The following GRIN2D variants were observed in gnomAD, a reference collection of about 807,000 sequenced individuals.
GRIN2D encodes glutamate receptor ionotropic, NMDA 2D.
Under a neutral mutation model 103.2 loss-of-function variants are expected in GRIN2D, and 37 were observed. The ratio of observed to expected loss-of-function variants is 0.36; its 90% CI spans 0.28 to 0.47. The LOEUF is 0.47. GRIN2D is among the 20% of genes least tolerant of loss of function. The pLI is 1.00. For synonymous variants in GRIN2D, 845 were observed against 885.6 expected (o/e 0.95, Z 0.81); for missense variants, 1,557 against 1,910.6 (o/e 0.81, Z 3.45).
intron 9 of GRIN2D, 66 bp downstream of exon 9, chr19:48,419,425 T>C (rs922711410): frequency 2.6e-5 from 41 of 1,547,174 alleles, no homozygotes; most frequent in Non-Finnish European, 3.3e-5. Context: ...GAACTACATT[T>C]CCCAGCAGCC....
intron 4 of GRIN2D, among the ~76,000 whole-genome samples, chr19:48,412,965 A>G (rs1970894214): frequency 7.0e-6 from 1 of 142,394 alleles, no homozygotes; most frequent in South Asian, 2.3e-4. Flanking sequence ...GTGAAACCCC[A>G]TCTCTACTAA....
chr19:48,398,934 CG>C, intron 3 of GRIN2D, 77 bp downstream of exon 3: 1 of 83,688 alleles, frequency 1.2e-5, no homozygotes, highest in East Asian at 3.3e-4. Flanking sequence ...GGACAGCCAG[CG>C]GGGGCGGGGC....
chr19:48,442,232 C>A lies in GRIN2D; in HGVS notation c.2523C>A (p.Asp841Glu). The part of the protein sequence containing the change: ...DKIEVMSSKL[D>E]IDNMAGVFYM... ...TCGAGGTGATGAGCAGCAAGCTGGACATCGACAACATGGCGGGCGTCTTCT... is the reference window on the plus strand; with the variant it reads ...TCGAGGTGATGAGCAGCAAGCTGGAAATCGACAACATGGCGGGCGTCTTCT... The change falls in exon 13 of 14, where the codon GAC becomes GAA. Residue 841 changes from aspartate (D) to glutamate (E), a missense_variant. Asp to Glu is a conservative substitution (Grantham distance 45, BLOSUM62 2). Coordinates refer to ENST00000263269, the MANE Select transcript of GRIN2D (RefSeq NM_000836.4). The surrounding 1 kb of genome is among the most constrained non-coding windows in gnomAD (Gnocchi z 7.2). The A allele has an allele frequency of 6.2e-7, 1 of 1,614,182 alleles. No individual in the cohort carries two copies. The highest frequency in any genetic ancestry group is 8.5e-7 in the Non-Finnish European group (1 of 1,180,030).
rs534528981 is a variant in GRIN2D at position 48,421,743 on chromosome 19, T to C, written c.2092-42T>C. 3.4e-5 allele frequency: 54 copies of C among 1,565,280 alleles called. No homozygotes were observed. In the East Asian group the frequency reaches 1.1e-3, roughly 32 times the overall value. On this transcript the variant is annotated intron_variant, in intron 10 of 13. Coordinates refer to ENST00000263269, the MANE Select transcript of GRIN2D (RefSeq NM_000836.4). This position sits in a 1 kb window ranked among gnomAD's most constrained non-coding sequence, Gnocchi z 4.8. The stretch of plus-strand genomic sequence containing the variant: ...GAATGGGTGATTTATGTTAGGGATG[T>C]CCCTGCGGAGGGTGCCCTAATCACT...
At chr19:48,430,548 C>G (rs529738140) in intron 11 of GRIN2D, among the ~76,000 whole-genome samples, 6 of 152,298 alleles carry the variant, frequency 3.9e-5, no homozygotes, top group South Asian at 4.1e-4. Flanking sequence ...CTCCTGAGCT[C>G]AAGGGATCTG....
At position 48,398,783 on chromosome 19, in the gene GRIN2D, G is replaced by A. The variant is rs1171398599; in HGVS notation, c.391G>A (p.Asp131Asn). ...SRAPAVAPIL[D>N]FLSAQTSLPI... is the part of the protein sequence containing the mutation. ...CGCGCCCGCCGTCGCGCCCATCCTC[G>A]ACTTCCTGTCGGCGCAGACCTCGCT... is the stretch of plus-strand genomic sequence containing the variant. Residue 131 changes from aspartate to asparagine, a missense_variant, in exon 3 of 14, where the codon GAC (aspartate) becomes AAC (asparagine). This residue lies in a region of GRIN2D where 490 missense variants were observed against 601.1 expected (regional missense o/e 0.82). Coordinates refer to ENST00000263269, the MANE Select transcript of GRIN2D (RefSeq NM_000836.4). 1.4e-6 allele frequency: 2 copies of A among 1,460,706 alleles called. No homozygotes were observed. The highest frequency in any genetic ancestry group is 1.8e-6 in the Non-Finnish European group (2 of 1,111,768). 90.5% of individuals were successfully genotyped at this position (1,460,706 alleles called of 1,614,324 possible). A position where few individuals can be genotyped will look rare whatever the true frequency, so the allele number is the denominator to read the frequency against.
chr19:48,404,991 G>T lies in GRIN2D; in HGVS notation c.723G>T (p.Ala241=), dbSNP rs77992710. ...VLSAQLRSVS[A]QIRLLFCARE... is the part of the protein sequence containing the mutation. ...GTGCCCAGCTCCGCAGTGTCAGCGC[G>T]CAGATCCGCCTGCTCTTCTGCGCCC... Residue 241 remains alanine, a synonymous_variant, in exon 4 of 14, where the codon GCG becomes GCT. Coordinates refer to ENST00000263269, the MANE Select transcript of GRIN2D (RefSeq NM_000836.4). 9.1e-4 allele frequency: 1,463 copies of T among 1,612,262 alleles called. 1 individual carries two copies. Among genetic ancestry groups the T allele is most frequent in the Non-Finnish European group, 1.1e-3 (1,316 of 1,179,570 alleles).
intron 3 of GRIN2D, among the ~76,000 whole-genome samples, chr19:48,401,081 C>CA (rs34313286): frequency 0.048 from 5,896 of 123,714 alleles, 310 homozygotes; most frequent in African/African-American, 0.13. Context: ...AGACTGTTCT[C>CA]AAAAAAAAAA....
At chr19:48,429,715 ATGTGTG>A (rs35154284) in intron 11 of GRIN2D, among the ~76,000 whole-genome samples, 5 of 146,894 alleles carry the variant, frequency 3.4e-5, no homozygotes, top group Admixed American at 2.7e-4. Context: ...TAATTTTTTA[ATGTGTG>A]TGTGTGTGTG....
At chr19:48,415,156 A>G (rs1284147714) in intron 7 of GRIN2D, 124 bp downstream of exon 7, 1 of 882,270 alleles carries the variant, frequency 1.1e-6, no homozygotes, top group East Asian at 2.7e-5. Flanking sequence ...GAATTGCCTG[A>G]GCTCAGGGGT....
intron 4 of GRIN2D, among the ~76,000 whole-genome samples, chr19:48,408,293 C>T (rs1411176693): frequency 6.7e-6 from 1 of 148,900 alleles, no homozygotes; most frequent in Non-Finnish European, 1.5e-5. Context: ...GAGATCGAGC[C>T]ACTGCACTCC....
chr19:48,433,533 C>A (rs150741082), intron 11 of GRIN2D, among the ~76,000 whole-genome samples: 1 of 152,126 alleles, frequency 6.6e-6, no homozygotes, highest in African/African-American at 2.4e-5. Context: ...GCAGGCCAAA[C>A]GTGGGCTCAC....
At chr19:48,411,016 AAG>A (rs2147447113) in intron 4 of GRIN2D, among the ~76,000 whole-genome samples, 1 of 152,188 alleles carries the variant, frequency 6.6e-6, no homozygotes, top group African/African-American at 2.4e-5. Flanking sequence ...TAACCAGAGG[AAG>A]AGACATTTGA....
At chr19:48,397,518 T>A (rs1286182698) in intron 2 of GRIN2D, among the ~76,000 whole-genome samples, 2 of 151,862 alleles carry the variant, frequency 1.3e-5, no homozygotes, top group African/African-American at 4.8e-5. Context: ...CCCCATCCTT[T>A]ATGTGCGCGT....
Position 48,405,084 on chromosome 19 carries a change from G to C in GRIN2D, c.816G>C (p.Trp272Cys). 6.3e-7 allele frequency: 1 copy of C among 1,599,760 alleles called. No individual in the cohort carries two copies. Among genetic ancestry groups the C allele is most frequent in the Non-Finnish European group, 8.5e-7 (1 of 1,172,626 alleles). Reference protein sequence around the residue: ...EAGLTGSGYVWFMVGPQLAGG... With the variant: ...EAGLTGSGYVCFMVGPQLAGG... ...GCCTCACTGGATCTGGCTACGTCTG[G>C]TTCATGGTGGGGCCCCAGCTGGCTG... Residue 272 changes from tryptophan to cysteine, a missense_variant, in exon 4 of 14, where the codon TGG (tryptophan) becomes TGC (cysteine). Trp to Cys is a radical substitution (Grantham distance 215). Coordinates refer to ENST00000263269, the MANE Select transcript of GRIN2D (RefSeq NM_000836.4). This position sits in a 1 kb window ranked among gnomAD's most constrained non-coding sequence, Gnocchi z 5.1.
chr19:48,428,682 G>A (rs902857956), intron 11 of GRIN2D, among the ~76,000 whole-genome samples: 4 of 151,958 alleles, frequency 2.6e-5, no homozygotes, highest in African/African-American at 4.8e-5. Context: ...CTTTTTATAA[G>A]GACACTAGTC....
rs1970595162 is a variant in GRIN2D, at chr19:48,393,852, C to T, written c.-322C>T. On this transcript the variant is annotated 5_prime_UTR_variant, in exon 1 of 14. Transcript: ENST00000263269. The surrounding 1 kb of genome is among the most constrained non-coding windows in gnomAD (Gnocchi z 5.6). ...GCCCGGCCCCCAGGGGTCTCTCGAG[C>T]GTCTGCCATCTGCCCGGTGAGGATC... is the stretch of plus-strand genomic sequence containing the variant. Among the ~76,000 whole-genome samples, 1 of 151,882 alleles carries T rather than the reference C, an allele frequency of 6.6e-6. No homozygotes were observed. The highest frequency in any genetic ancestry group is 6.6e-5 in the Admixed American group (1 of 15,256).
chr19:48,419,811 C>A lies in GRIN2D; in HGVS notation c.2088C>A (p.Arg696=), dbSNP rs769568972. ...YVDTVSGLSD[R]KFQRPQEQYP... ...ATACTGTGTCTGGGCTCAGTGACCG[C>A]AAGGTGTGTGTGGGCCCAGGGCTGG... The change falls in exon 10 of 14, where the codon CGC becomes CGA. Residue 696 remains arginine (R), a synonymous_variant. Transcript: ENST00000263269. 7 of 1,608,598 alleles carry A rather than the reference C, an allele frequency of 4.4e-6. No individual in the cohort carries two copies. In the South Asian group the frequency reaches 7.7e-5, roughly 18 times the overall value.
In GRIN2D at chr19:48,404,862, G is replaced by A; in HGVS notation, c.594G>A (p.Arg198=). 1.2e-6 allele frequency: 2 copies of A among 1,614,220 alleles called. No homozygotes were observed. Among genetic ancestry groups the A allele is most frequent in the Non-Finnish European group, 1.7e-6 (2 of 1,180,044 alleles). Residue 198 remains arginine, a synonymous_variant, in exon 4 of 14, where the codon CGG becomes CGA. Transcript: ENST00000263269. The part of the protein sequence containing the change: ...VAVTTRAPGH[R]AFLSYIEVLT... ...TGACCACTCGTGCCCCTGGCCACCGGGCCTTCCTGTCCTACATTGAGGTGC... is the reference window on the plus strand; with the variant it reads ...TGACCACTCGTGCCCCTGGCCACCGAGCCTTCCTGTCCTACATTGAGGTGC...
Sources: gnomAD v4.1 joint callset for allele counts (sites outside exome capture counted in the v4.1 genomes callset) on GRCh38, gnomAD v4.1.1 for gene constraint, gnomAD v4.1.1 regional missense constraint, Gnocchi (gnomAD v3.1) non-coding constraint, MANE v1.5 for transcripts, NCBI Gene and HGNC (gene_info 2026-07-23, HGNC 2026-07-21) for gene names.